GHR: variants seen among roughly 807,000 people sequenced by gnomAD.
The protein encoded by GHR is growth hormone receptor.
GHR carries 35 observed loss-of-function variants against 67.1 expected under a neutral mutation model. The observed-to-expected ratio is 0.52, with a 90% CI of 0.40 to 0.69. GHR has a LOEUF of 0.69. Ranked by LOEUF, GHR falls within the 30% of genes least tolerant of loss-of-function variation. The pLI is 0.00. For missense variants in GHR, 792 were observed against 764.6 expected (o/e 1.04, Z -0.42); for synonymous variants, 272 against 269.1 (o/e 1.01, Z -0.10).
At chr5:42,565,977 G>A (rs1749907739) in intron 2 of GHR, 33 bp downstream of exon 2, 1 of 1,612,718 alleles carries the variant, frequency 6.2e-7, no homozygotes, top group Non-Finnish European at 8.5e-7. Context: ...CACCCTCAGT[G>A]TTTTGAAACA....
intron 2 of GHR, among the ~76,000 whole-genome samples, chr5:42,613,986 A>G (rs1753014749): frequency 6.6e-6 from 1 of 152,146 alleles, no homozygotes; most frequent in Non-Finnish European, 1.5e-5. Flanking sequence ...GGCTCAAAGG[A>G]CATTTTCTTG....
chr5:42,603,015 G>A (rs1257659508), intron 2 of GHR, among the ~76,000 whole-genome samples: 3 of 151,746 alleles, frequency 2.0e-5, no homozygotes, highest in Non-Finnish European at 2.9e-5. Flanking sequence ...GCTATCTTTG[G>A]CATTTCTTAT....
chr5:42,632,873 A>G (rs1753998301), intron 3 of GHR, among the ~76,000 whole-genome samples: 2 of 152,176 alleles, frequency 1.3e-5, no homozygotes, highest in Admixed American at 6.5e-5. Context: ...CTACAAAGAA[A>G]ACTTCTTTAT....
At chr5:42,507,375 T>C (rs143368080) in intron 1 of GHR, among the ~76,000 whole-genome samples, 5 of 152,352 alleles carry the variant, frequency 3.3e-5, no homozygotes, top group African/African-American at 7.2e-5. Context: ...TCTCTACTTT[T>C]AACAAGACAT....
At position 42,465,112 on chromosome 5, in the gene GHR, C is replaced by T. The variant is rs372650588; in HGVS notation, c.-12+41157C>T. On this transcript the variant is annotated intron_variant, in intron 1 of 9. Coordinates refer to ENST00000230882, the MANE Select transcript of GHR (RefSeq NM_000163.5). Reference sequence around the variant, plus strand: ...TGTGACAAAGTCCGGTTCCTTTTGTCTAAGTTAGTTATAATAATCTTTAAT... The same window carrying T: ...TGTGACAAAGTCCGGTTCCTTTTGTTTAAGTTAGTTATAATAATCTTTAAT... Among the ~76,000 whole-genome samples, 79 of 152,242 alleles carry T rather than the reference C, an allele frequency of 5.2e-4. 2 individuals are homozygous for T. The South Asian group carries it at 0.016, about 31-fold the overall frequency.
At chr5:42,645,071 A>G (rs953169927) in intron 3 of GHR, among the ~76,000 whole-genome samples, 8 of 152,168 alleles carry the variant, frequency 5.3e-5, no homozygotes, top group African/African-American at 1.7e-4. Flanking sequence ...TAGTTTAGAG[A>G]ATTATTGTGA....
intron 3 of GHR, among the ~76,000 whole-genome samples, chr5:42,678,178 T>C (rs1314923177): frequency 2.0e-5 from 3 of 152,116 alleles, no homozygotes; most frequent in African/African-American, 7.2e-5. Context: ...AGATTACAGA[T>C]TGTATGTGAT....
intron 2 of GHR, among the ~76,000 whole-genome samples, chr5:42,610,617 G>T (rs1043211492): frequency 6.6e-6 from 1 of 151,860 alleles, no homozygotes; most frequent in Admixed American, 6.6e-5. Flanking sequence ...AGAAGGAGCT[G>T]CAGAAGGCTG....
chr5:42,713,237 AAGT>A (rs1346353314), intron 7 of GHR, among the ~76,000 whole-genome samples, 189 bp from the exon 8 acceptor site: 1 of 152,248 alleles, frequency 6.6e-6, no homozygotes, highest in African/African-American at 2.4e-5. Flanking sequence ...GAGATTTGAA[AAGT>A]GGACAGAGAT....
chr5:42,688,946 T>A lies in GHR; in HGVS notation c.193T>A (p.Ser65Thr). Residue 65 changes from serine (S) to threonine (T), a missense_variant, in exon 4 of 10, where the codon TCA (serine) becomes ACA (threonine). By Grantham distance (58) the Ser-to-Thr change is moderately conservative. Transcript: ENST00000230882. Reference protein sequence around the residue: ...KCRSPERETFSCHWTDEVHHG... With the variant: ...KCRSPERETFTCHWTDEVHHG... Reference sequence around the variant, plus strand: ...CCGTTCACCTGAGCGAGAGACTTTTTCATGCCACTGGACAGATGAGGTTCA... The same window carrying A: ...CCGTTCACCTGAGCGAGAGACTTTTACATGCCACTGGACAGATGAGGTTCA... 3 of 1,613,396 alleles carry A rather than the reference T, an allele frequency of 1.9e-6. No homozygotes were observed. Among genetic ancestry groups the A allele is most frequent in the Non-Finnish European group, 2.5e-6 (3 of 1,179,322 alleles).
In GHR at chr5:42,718,516, C is replaced by T; in HGVS notation, c.1009C>T (p.His337Tyr). The T allele has an allele frequency of 1.2e-6, 2 of 1,613,174 alleles. No individual in the cohort carries two copies. The highest frequency in any genetic ancestry group is 1.1e-5 in the South Asian group (1 of 91,056). The change falls in exon 10 of 10, where the codon CAC (histidine) becomes TAC (tyrosine). Residue 337 changes from histidine to tyrosine, a missense_variant. By Grantham distance (83) the His-to-Tyr change is moderately conservative. Transcript: ENST00000230882. ...TCATGATAGCTATAAACCCGAATTC[C>T]ACAGTGATGACTCTTGGGTTGAATT... is the stretch of plus-strand genomic sequence containing the variant. ...AIHDSYKPEFHSDDSWVEFIE... is the reference protein window; with the variant it reads ...AIHDSYKPEFYSDDSWVEFIE...
intron 3 of GHR, among the ~76,000 whole-genome samples, chr5:42,675,977 A>T (rs1756552875): frequency 6.6e-6 from 1 of 152,192 alleles, no homozygotes; most frequent in Admixed American, 6.5e-5. Context: ...CTAGAGTTTA[A>T]TTTAAAATTA....
intron 1 of GHR, chr5:42,468,815 C>T (rs1404673739): frequency 9.7e-7 from 1 of 1,030,502 alleles, no homozygotes; most frequent in Admixed American, 2.3e-5. Flanking sequence ...AATAACTGGT[C>T]GAATCGGTTG....
intron 1 of GHR, among the ~76,000 whole-genome samples, chr5:42,439,550 GA>G (rs993543171): frequency 2.0e-5 from 3 of 152,152 alleles, no homozygotes; most frequent in Non-Finnish European, 4.4e-5. Context: ...TTAAGCCCAA[GA>G]ATTTGTATAA....
At chr5:42,591,342 C>T (rs948455154) in intron 2 of GHR, among the ~76,000 whole-genome samples, 1 of 152,188 alleles carries the variant, frequency 6.6e-6, no homozygotes, top group African/African-American at 2.4e-5. Context: ...AACTGGCTCT[C>T]GTGGATCTTG....
At chr5:42,546,048 G>C (rs1748719016) in intron 1 of GHR, among the ~76,000 whole-genome samples, 1 of 152,162 alleles carries the variant, frequency 6.6e-6, no homozygotes, top group African/African-American at 2.4e-5. Context: ...ATAAGGAGCA[G>C]TATCTTCTAA....
At chr5:42,665,119 G>A (rs1293778056) in intron 3 of GHR, among the ~76,000 whole-genome samples, 3 of 152,188 alleles carry the variant, frequency 2.0e-5, no homozygotes, top group Admixed American at 1.3e-4. Flanking sequence ...ATAGGATGTG[G>A]AGAAATAGGA....
At chr5:42,676,271 G>A (rs959286248) in intron 3 of GHR, among the ~76,000 whole-genome samples, 11 of 151,774 alleles carry the variant, frequency 7.2e-5, no homozygotes, top group Non-Finnish European at 1.5e-4. Context: ...GTGACAGAGC[G>A]AGACTCCATA....
chr5:42,519,219 T>G (rs1005961301), intron 1 of GHR, among the ~76,000 whole-genome samples: 1 of 152,222 alleles, frequency 6.6e-6, no homozygotes, highest in Non-Finnish European at 1.5e-5. Context: ...AATTTTTCCA[T>G]GCTTGTCTTC....
Sources: allele counts gnomAD v4.1 joint callset (sites outside exome capture counted in the v4.1 genomes callset), GRCh38; gene constraint gnomAD v4.1.1; transcripts MANE v1.5; gene names NCBI Gene and HGNC (gene_info 2026-07-23, HGNC 2026-07-21).